The following GRID2 variants were observed in gnomAD, a reference collection of about 807,000 sequenced individuals.
GRID2 encodes glutamate ionotropic receptor delta type subunit 2.
GRID2 carries 33 observed loss-of-function variants against 114.8 expected under a neutral mutation model. The observed-to-expected ratio is 0.29, with a 90% confidence interval of 0.22 to 0.38. The LOEUF is 0.38. Among genes scored for constraint, GRID2 ranks in the 10% least tolerant of loss-of-function variants. The pLI is 1.00. For synonymous variants in GRID2, 505 were observed against 449.9 expected (o/e 1.12, Z -1.55); for missense variants, 1,184 against 1,257.7 (o/e 0.94, Z 0.89).
intron 1 of GRID2, among the ~76,000 whole-genome samples, chr4:92,397,334 GTGTT>G (rs1730541227): frequency 7.4e-6 from 1 of 136,016 alleles, no homozygotes; most frequent in Non-Finnish European, 1.5e-5. Context: ...AAAACTCTGT[GTGTT>G]TGTATGTGTG....
At chr4:93,170,938 C>G (rs984875935) in intron 4 of GRID2, among the ~76,000 whole-genome samples, 1 of 151,718 alleles carries the variant, frequency 6.6e-6, no homozygotes, top group Non-Finnish European at 1.5e-5. Context: ...AATGTCTGCT[C>G]GGTACTTCAG....
chr4:92,452,875 CAT>C (rs1035557342), intron 1 of GRID2, among the ~76,000 whole-genome samples: 4 of 143,502 alleles, frequency 2.8e-5, no homozygotes, highest in East Asian at 2.0e-4. Context: ...ATTTTTTTAC[CAT>C]ATATATATAT....
intron 2 of GRID2, among the ~76,000 whole-genome samples, chr4:92,786,462 C>G (rs1739325050): frequency 6.6e-6 from 1 of 151,676 alleles, no homozygotes; most frequent in South Asian, 2.1e-4. Context: ...ACTCTATATT[C>G]TTTTTAGCCC....
At chr4:93,666,778 T>C (rs1253599816) in intron 14 of GRID2, among the ~76,000 whole-genome samples, 1 of 152,062 alleles carries the variant, frequency 6.6e-6, no homozygotes, top group African/African-American at 2.4e-5. Flanking sequence ...TCTCAGATAA[T>C]TAGGATGAAT....
At chr4:93,678,900 AT>A (rs1161446705) in intron 14 of GRID2, among the ~76,000 whole-genome samples, 2 of 151,082 alleles carry the variant, frequency 1.3e-5, no homozygotes, top group Non-Finnish European at 2.9e-5. Flanking sequence ...TAACATCATA[AT>A]GACAGGATCA....
intron 2 of GRID2, among the ~76,000 whole-genome samples, chr4:93,029,770 G>T (rs1457072277): frequency 6.6e-6 from 1 of 151,956 alleles, no homozygotes; most frequent in Non-Finnish European, 1.5e-5. Flanking sequence ...TTCACAAAAA[G>T]CGAATTATTG....
chr4:92,473,819 G>T (rs1468753728), intron 1 of GRID2, among the ~76,000 whole-genome samples: 1 of 151,820 alleles, frequency 6.6e-6, no homozygotes, highest in African/African-American at 2.4e-5. Flanking sequence ...TTGTGTTTAA[G>T]TTTTTCAGCT....
chr4:92,952,571 T>C (rs1300149988), intron 2 of GRID2, among the ~76,000 whole-genome samples: 1 of 152,190 alleles, frequency 6.6e-6, no homozygotes, highest in Non-Finnish European at 1.5e-5. Flanking sequence ...ACAATTATAT[T>C]AAGAGGTGGT....
chr4:92,815,750 A>AAAAT (rs1454335061), intron 2 of GRID2, among the ~76,000 whole-genome samples: 1 of 151,038 alleles, frequency 6.6e-6, no homozygotes, highest in Admixed American at 6.6e-5. Context: ...TCATCTCTAC[A>AAAAT]AAATAAATAA....
chr4:92,913,187 AG>A (rs1167041167), intron 2 of GRID2, among the ~76,000 whole-genome samples: 8 of 151,852 alleles, frequency 5.3e-5, no homozygotes, highest in African/African-American at 1.9e-4. Context: ...TCATGATAAA[AG>A]TTTTGTGAAT....
chr4:92,900,936 C>CTGTG (rs67753622), intron 2 of GRID2, among the ~76,000 whole-genome samples: 2,671 of 149,862 alleles, frequency 0.018, 31 homozygotes, highest in East Asian at 0.054. Flanking sequence ...TAGTATTCGT[C>CTGTG]TGTGTGTGTG....
At chr4:92,632,131 T>C (rs1007214580) in intron 2 of GRID2, among the ~76,000 whole-genome samples, 1 of 152,172 alleles carries the variant, frequency 6.6e-6, no homozygotes, top group East Asian at 1.9e-4. Flanking sequence ...TTGAAGACTT[T>C]GCGCTTTAAA....
At chr4:92,805,542 TAATAA>T (rs1740368008) in intron 2 of GRID2, among the ~76,000 whole-genome samples, 1 of 152,030 alleles carries the variant, frequency 6.6e-6, no homozygotes. Flanking sequence ...AAATGCCAAC[TAATAA>T]AATGTATTTT....
In GRID2 at chr4:93,331,170, C is replaced by T. The variant is rs116223357; in HGVS notation, c.1246-64437C>T. On this transcript the variant is annotated intron_variant, in intron 8 of 15. Coordinates refer to ENST00000282020, the MANE Select transcript of GRID2 (RefSeq NM_001510.4). ...CATTATCTCTCCAGTATTATATCCT[C>T]TGCTTCCCCCTTTTCCACTTCATTC... 5.8e-3 allele frequency among the ~76,000 whole-genome samples: 814 copies of T among 139,380 alleles called. 4 individuals are homozygous for T. Among genetic ancestry groups the T allele is most frequent in the Non-Finnish European group, 9.0e-3 (590 of 65,650 alleles). 91.4% of individuals were successfully genotyped at this position (139,380 alleles called of 152,430 possible).
At chr4:93,227,833 A>G (rs1745675186) in intron 7 of GRID2, among the ~76,000 whole-genome samples, 1 of 152,044 alleles carries the variant, frequency 6.6e-6, no homozygotes, top group Non-Finnish European at 1.5e-5. Flanking sequence ...AGTTTCCAAT[A>G]CCCTATTACT....
At chr4:93,247,608 C>G (rs2149526021) in intron 8 of GRID2, among the ~76,000 whole-genome samples, 1 of 152,114 alleles carries the variant, frequency 6.6e-6, no homozygotes, top group Non-Finnish European at 1.5e-5. Context: ...TTCTTAGGCC[C>G]TTGGGTTTAG....
chr4:93,595,532 T>C lies in GRID2; in HGVS notation c.2194-30737T>C, dbSNP rs575074424. On this transcript the variant is annotated intron_variant, in intron 13 of 15. Transcript: ENST00000282020. ...GTTATTGTAAAACTTAATGAAACAC[T>C]GCATGAAAAGCATTTTGCTCAGTGT... Among the ~76,000 whole-genome samples, 11 of 152,312 alleles carry C rather than the reference T, an allele frequency of 7.2e-5. No homozygotes were observed. The East Asian group carries it at 9.7e-4, about 13-fold the overall frequency.
intron 2 of GRID2, among the ~76,000 whole-genome samples, chr4:92,965,948 T>C (rs1307850279): frequency 6.6e-6 from 1 of 151,912 alleles, no homozygotes; most frequent in Non-Finnish European, 1.5e-5. Flanking sequence ...TTGATTGAAA[T>C]TTATAAAGTT....
At chr4:92,401,170 G>T (rs962341837) in intron 1 of GRID2, among the ~76,000 whole-genome samples, 9 of 151,990 alleles carry the variant, frequency 5.9e-5, no homozygotes, top group Non-Finnish European at 2.9e-5. Context: ...CTAATCCAAG[G>T]TCACAAGGTC....
Sources: gnomAD v4.1 joint callset for allele counts (sites outside exome capture counted in the v4.1 genomes callset) on GRCh38, gnomAD v4.1.1 for gene constraint, MANE v1.5 for transcripts, NCBI Gene and HGNC (gene_info 2026-07-23, HGNC 2026-07-21) for gene names.